PTGER3: variants seen among roughly 807,000 people sequenced by gnomAD.
PTGER3 encodes prostaglandin E receptor 3, also known as prostaglandin E2 receptor EP3 subtype.
Under a neutral mutation model 34.7 loss-of-function variants are expected in PTGER3, and 22 were observed. The observed-to-expected ratio is 0.63, with a 90% CI of 0.45 to 0.91. The LOEUF (loss-of-function observed/expected upper bound fraction) is 0.91, where lower values mean the gene tolerates loss of function less well. PTGER3 is among the 40% of genes least tolerant of loss of function. PTGER3 has a pLI of 0.00. For missense variants in PTGER3, 468 were observed against 519.4 expected (o/e 0.90, Z 0.96); for synonymous variants, 241 against 230.1 (o/e 1.05, Z -0.43).
intron 3 of PTGER3, among the ~76,000 whole-genome samples, chr1:70,972,922 A>AT (rs1480518356): frequency 1.3e-5 from 2 of 152,102 alleles, no homozygotes; most frequent in African/African-American, 4.8e-5. Context: ...AATTTTCATC[A>AT]TTTTCCAAAG....
At chr1:70,998,020 T>A (rs984135712) in intron 2 of PTGER3, among the ~76,000 whole-genome samples, 2 of 152,224 alleles carry the variant, frequency 1.3e-5, no homozygotes, top group Non-Finnish European at 1.5e-5. Flanking sequence ...TTAGGGCACA[T>A]TGGTTTAGCA....
downstream of PTGER3, chr1:70,951,431 T>C (rs1650752025): frequency 3.9e-5 from 6 of 152,272 alleles, no homozygotes; most frequent in Middle Eastern, 0.014. Context: ...AAAAGAGCAA[T>C]GTATCAAAGT....
intron 4 of PTGER3, among the ~76,000 whole-genome samples, chr1:70,868,343 T>C (rs1041065461): frequency 6.6e-6 from 1 of 152,202 alleles, no homozygotes; most frequent in Admixed American, 6.5e-5. Context: ...TCACTTATAA[T>C]TGTCTATTGC....
At chr1:70,866,024 A>G (rs1401618918) in intron 4 of PTGER3, among the ~76,000 whole-genome samples, 2 of 152,180 alleles carry the variant, frequency 1.3e-5, no homozygotes, top group Non-Finnish European at 2.9e-5. Context: ...CCTTCCATGT[A>G]AAAGCCTGTT....
At chr1:70,885,588 T>A (rs1460926755) in intron 4 of PTGER3, among the ~76,000 whole-genome samples, 1 of 152,138 alleles carries the variant, frequency 6.6e-6, no homozygotes, top group East Asian at 1.9e-4. Context: ...AAAAACTTCA[T>A]GGAACAAGAA....
chr1:71,013,123 C>T (rs888511146), intron 1 of PTGER3, among the ~76,000 whole-genome samples: 6 of 152,090 alleles, frequency 3.9e-5, no homozygotes, highest in Non-Finnish European at 8.8e-5. Flanking sequence ...CCAATATACA[C>T]TGCAATGTAA....
chr1:70,855,809 G>A (rs1326862216), intron 4 of PTGER3, among the ~76,000 whole-genome samples: 1 of 152,082 alleles, frequency 6.6e-6, no homozygotes, highest in East Asian at 1.9e-4. Flanking sequence ...GAATCTATGG[G>A]TCATAATTCT....
chr1:70,993,293 C>T (rs548915738), intron 2 of PTGER3, among the ~76,000 whole-genome samples: 4 of 152,292 alleles, frequency 2.6e-5, no homozygotes, highest in South Asian at 4.1e-4. Flanking sequence ...AGAGAGACAG[C>T]GCAAGACTCC....
At chr1:70,983,581 G>T (rs1654605609) in intron 2 of PTGER3, among the ~76,000 whole-genome samples, 1 of 152,150 alleles carries the variant, frequency 6.6e-6, no homozygotes. Flanking sequence ...CTGACACTGA[G>T]TGACACTAGT....
intron 1 of PTGER3, among the ~76,000 whole-genome samples, chr1:71,044,943 A>G (rs1239700990): frequency 6.6e-6 from 1 of 152,230 alleles, no homozygotes; most frequent in Non-Finnish European, 1.5e-5. Flanking sequence ...ACCACACTTT[A>G]GTAAAGTGTT....
chr1:71,005,110 T>C (rs1656829538), intron 2 of PTGER3, among the ~76,000 whole-genome samples: 1 of 152,218 alleles, frequency 6.6e-6, no homozygotes, highest in Non-Finnish European at 1.5e-5. Flanking sequence ...TGGCATCTCA[T>C]GAGTAGAAGT....
At chr1:70,942,626 G>T (rs1454265185) in intron 4 of PTGER3, among the ~76,000 whole-genome samples, 1 of 152,056 alleles carries the variant, frequency 6.6e-6, no homozygotes, top group Non-Finnish European at 1.5e-5. Context: ...TCTTGTTTTG[G>T]GTGGATTGTG....
chr1:70,852,881 T>C, intron 4 of PTGER3: 1 of 1,610,748 alleles, frequency 6.2e-7, no homozygotes, highest in Non-Finnish European at 8.5e-7. Flanking sequence ...ACAAATCAAT[T>C]AGGATAGCCA....
Position 71,012,493 on chromosome 1 carries a change from AG to A in PTGER3, c.898-10del. 6.2e-7 allele frequency: 1 copy of A among 1,606,436 alleles called. No individual in the cohort carries two copies. Among genetic ancestry groups the A allele is most frequent in the South Asian group, 1.1e-5 (1 of 90,832 alleles). ...ATTTTCAACATCATTATCTAAGAAA[AG>A]GGGACAAATAATTGTTTCAAAGATT... On this transcript the variant is annotated splice_polypyrimidine_tract_variant and intron_variant, in intron 1 of 3. Transcript: ENST00000306666.
intron 4 of PTGER3, among the ~76,000 whole-genome samples, chr1:70,904,720 G>A (rs893831538): frequency 2.6e-5 from 4 of 152,166 alleles, no homozygotes; most frequent in South Asian, 2.1e-4. Flanking sequence ...TGCTGTTAAA[G>A]GCATTCAGTT....
At chr1:71,041,556 C>T (rs1276470129) in intron 1 of PTGER3, among the ~76,000 whole-genome samples, 2 of 152,164 alleles carry the variant, frequency 1.3e-5, no homozygotes, top group African/African-American at 4.8e-5. Flanking sequence ...AGGAACCCCC[C>T]CAAAATGAGG....
chr1:70,917,854 A>G (rs977231428), intron 4 of PTGER3, among the ~76,000 whole-genome samples: 3 of 152,016 alleles, frequency 2.0e-5, no homozygotes, highest in African/African-American at 7.2e-5. Context: ...TCTTCCAATA[A>G]CTATCTACTT....
chr1:71,039,607 GC>G (rs1172896111), intron 1 of PTGER3, among the ~76,000 whole-genome samples: 4 of 134,986 alleles, frequency 3.0e-5, no homozygotes, highest in Non-Finnish European at 4.6e-5. Context: ...CGGAGATTGC[GC>G]CACTGCACTC....
At chr1:70,940,964 AC>A (rs1022938079) in intron 4 of PTGER3, among the ~76,000 whole-genome samples, 2 of 152,230 alleles carry the variant, frequency 1.3e-5, no homozygotes, top group African/African-American at 4.8e-5. Flanking sequence ...GAGCAGGTTA[AC>A]AAAAATGTAA....
Sources: gnomAD v4.1 joint callset for allele counts (sites outside exome capture counted in the v4.1 genomes callset) on GRCh38, gnomAD v4.1.1 for gene constraint, MANE v1.5 for transcripts, NCBI Gene and HGNC (gene_info 2026-07-23, HGNC 2026-07-21) for gene names.